The following C1orf87 variants were observed in gnomAD, a reference collection of about 807,000 sequenced individuals.
C1orf87 encodes the protein chromosome 1 open reading frame 87, also known as uncharacterized protein C1orf87.
A neutral mutation model predicts 60.5 loss-of-function variants in C1orf87; 58 were observed. The ratio of observed to expected loss-of-function variants is 0.96; its 90% CI spans 0.78 to 1.19. The LOEUF (loss-of-function observed/expected upper bound fraction) is 1.19, where lower values mean the gene tolerates loss of function less well. Ranked by LOEUF, C1orf87 falls within the 50% of genes most tolerant of loss-of-function variation. The pLI, the probability that C1orf87 is intolerant of heterozygous loss-of-function variation, is 0.00. For synonymous variants in C1orf87, 236 were observed against 227.4 expected, an observed-to-expected ratio of 1.04 and a Z score of -0.34; for missense variants, 673 against 638.6, an observed-to-expected ratio of 1.05 and a Z score of -0.58.
intron 2 of C1orf87, among the ~76,000 whole-genome samples, chr1:60,064,829 TAA>T (rs1289063146): frequency 4.3e-5 from 4 of 93,006 alleles, no homozygotes; most frequent in Middle Eastern, 0.01. Flanking sequence ...AAATATATAT[TAA>T]ATATATAATT....
At chr1:60,016,056 C>T (rs1298918799) in intron 8 of C1orf87, among the ~76,000 whole-genome samples, 1 of 152,104 alleles carries the variant, frequency 6.6e-6, no homozygotes, top group Non-Finnish European at 1.5e-5. Context: ...CAGCCTATCA[C>T]TTCTTTAAAA....
In C1orf87 at chr1:60,038,017, C is replaced by T. The variant is rs540153027; in HGVS notation, c.838G>A (p.Glu280Lys). 2.2e-5 allele frequency: 35 copies of T among 1,610,182 alleles called. No homozygotes were observed. In the East Asian group the frequency reaches 6.7e-4, roughly 31 times the overall value. Residue 280 changes from glutamate (E) to lysine (K), a missense_variant, in exon 6 of 12, where the codon GAG (glutamate) becomes AAG (lysine). Transcript: ENST00000371201. ...CTTTGGCTATGAGTGCCATGACTCT[C>T]AGTTTTTCTCAGGTCTGCAGCTGCT... ...NKAAADLRKT[E>K]SHGTHSQSTP... is the part of the protein sequence containing the mutation.
Position 60,001,274 on chromosome 1 carries a change from G to A in C1orf87, c.1193-118C>T, listed in dbSNP as rs1016465511. 60 of 739,570 alleles carry A rather than the reference G, an allele frequency of 8.1e-5. No individual in the cohort carries two copies. The African/African-American group carries it at 8.4e-4, about 10-fold the overall frequency. 45.8% of individuals were successfully genotyped at this position (739,570 alleles called of 1,614,324 possible). A position where few individuals can be genotyped will look rare whatever the true frequency, so the allele number is the denominator to read the frequency against. ...CAAAAAAATGGAGGCTTTGCTCTGT[G>A]GTTGGCACTGTGTTAGGTAATGGGA... On this transcript the variant is annotated intron_variant, in intron 9 of 11. Coordinates refer to ENST00000371201, the MANE Select transcript of C1orf87 (RefSeq NM_152377.3).
Position 60,010,475 on chromosome 1 carries a change from CAT to C in C1orf87, c.1128-21_1128-20del. On this transcript the variant is annotated intron_variant, in intron 8 of 11. Transcript: ENST00000371201. ...CTGCCATCTGTGCAAGAAAAGGAAA[CAT>C]AAATTGGTGATCAATATGATTGCCC... 6.2e-7 allele frequency: 1 copy of C among 1,606,704 alleles called. No homozygotes were observed. The highest frequency in any genetic ancestry group is 1.1e-5 in the South Asian group (1 of 90,834).
At chr1:59,990,930 T>C (rs1157623957) in intron 11 of C1orf87, 97 bp from the exon 12 acceptor site, 3 of 1,224,698 alleles carry the variant, frequency 2.4e-6, no homozygotes, top group Non-Finnish European at 3.4e-6. Flanking sequence ...AGGTAAAGAC[T>C]AAATGCTAAT....
In C1orf87 at chr1:59,990,823, C is replaced by T; in HGVS notation, c.1491G>A (p.Glu497=). 2 of 1,613,884 alleles carry T rather than the reference C, an allele frequency of 1.2e-6. No individual in the cohort carries two copies. The highest frequency in any genetic ancestry group is 1.7e-6 in the Non-Finnish European group (2 of 1,179,872). ...LCDLSNTGVL[E]KERARRLIHN... Reference sequence around the variant, plus strand: ...GAATGAGGCGTCTGGCTCGTTCCTTCTCCAGAACTCCTGTGATTGGATTGG... The same window carrying T: ...GAATGAGGCGTCTGGCTCGTTCCTTTTCCAGAACTCCTGTGATTGGATTGG... Residue 497 remains glutamate, a synonymous_variant, in exon 12 of 12, where the codon GAG becomes GAA. Transcript: ENST00000371201.
intron 8 of C1orf87, among the ~76,000 whole-genome samples, chr1:60,021,744 G>T (rs1409976527): frequency 6.6e-6 from 1 of 152,200 alleles, no homozygotes; most frequent in Non-Finnish European, 1.5e-5. Flanking sequence ...TAGCTATACA[G>T]ATGATAAATC....
chr1:60,048,435 C>G (rs1261809926), intron 3 of C1orf87, among the ~76,000 whole-genome samples: 1 of 152,144 alleles, frequency 6.6e-6, no homozygotes, highest in Non-Finnish European at 1.5e-5. Flanking sequence ...AGATTCCTTT[C>G]CCTGAGAAAC....
chr1:60,021,061 C>T (rs1169755361), intron 8 of C1orf87, among the ~76,000 whole-genome samples: 1 of 152,144 alleles, frequency 6.6e-6, no homozygotes, highest in African/African-American at 2.4e-5. Flanking sequence ...CTCTCTCTCT[C>T]CTGCTTTGCC....
chr1:60,008,694 C>T, intron 9 of C1orf87: 1 of 456,366 alleles, frequency 2.2e-6, no homozygotes, highest in South Asian at 1.6e-5. Flanking sequence ...GCATTCTCAG[C>T]CCTAGCCACG....
chr1:59,997,218 G>A (rs779756894), intron 11 of C1orf87, among the ~76,000 whole-genome samples: 11 of 152,146 alleles, frequency 7.2e-5, no homozygotes, highest in South Asian at 6.2e-4. Flanking sequence ...TGGGCAGGAC[G>A]TGCTGAGAGA....
chr1:60,040,106 C>T lies in C1orf87; in HGVS notation c.558G>A (p.Lys186=). 2 of 1,614,204 alleles carry T rather than the reference C, an allele frequency of 1.2e-6. No homozygotes were observed. Among genetic ancestry groups the T allele is most frequent in the Non-Finnish European group, 1.7e-6 (2 of 1,180,020 alleles). The part of the protein sequence containing the change: ...FLLALVRREL[K]SRPLSSNLLE... Reference sequence around the variant, plus strand: ...ATAAGTTGGAACTCAAAGGACGTGACTTGAGTTCTCTTCTGACCAGGGCAA... The same window carrying T: ...ATAAGTTGGAACTCAAAGGACGTGATTTGAGTTCTCTTCTGACCAGGGCAA... Residue 186 remains lysine (K), a synonymous_variant, in exon 5 of 12, where the codon AAG becomes AAA. Transcript: ENST00000371201.
intron 10 of C1orf87, among the ~76,000 whole-genome samples, chr1:60,000,472 C>T (rs370700952): frequency 5.3e-5 from 8 of 151,956 alleles, no homozygotes; most frequent in Non-Finnish European, 1.0e-4. Flanking sequence ...GGAGGCCTCC[C>T]GTCATTTTAA....
intron 8 of C1orf87, among the ~76,000 whole-genome samples, chr1:60,014,255 G>GGTC (rs1405856227): frequency 1.3e-5 from 2 of 152,066 alleles, no homozygotes; most frequent in Non-Finnish European, 2.9e-5. Context: ...TCAAGACTTG[G>GGTC]GTCCCCAAAT....
intron 2 of C1orf87, among the ~76,000 whole-genome samples, chr1:60,068,295 A>T (rs1183672774): frequency 1.3e-5 from 2 of 152,196 alleles, no homozygotes; most frequent in Non-Finnish European, 1.5e-5. Flanking sequence ...TTCTCCAAAG[A>T]TAGCCTTTGC....
chr1:60,018,607 T>C (rs1645139823), intron 8 of C1orf87, among the ~76,000 whole-genome samples: 1 of 152,324 alleles, frequency 6.6e-6, no homozygotes, highest in African/African-American at 2.4e-5. Context: ...TTTAGATTGG[T>C]GCCTTTTTGG....
chr1:59,994,547 T>C (rs1183251247), intron 11 of C1orf87, among the ~76,000 whole-genome samples: 8 of 152,246 alleles, frequency 5.3e-5, no homozygotes, highest in Non-Finnish European at 1.2e-4. Context: ...CCTTGAACTC[T>C]AAAACACTTT....
intron 10 of C1orf87, 145 bp downstream of exon 10, chr1:60,000,932 G>T (rs865793853): frequency 2.6e-5 from 17 of 648,026 alleles, no homozygotes; most frequent in Middle Eastern, 4.4e-4. Context: ...TTTGCCCAAG[G>T]AGAGTCTTGA....
At chr1:60,049,677 T>A (rs1237512592) in intron 3 of C1orf87, among the ~76,000 whole-genome samples, 1 of 152,126 alleles carries the variant, frequency 6.6e-6, no homozygotes, top group Non-Finnish European at 1.5e-5. Flanking sequence ...TTATCCCAGA[T>A]GATAGAAGAA....
Sources: allele counts gnomAD v4.1 joint callset (sites outside exome capture counted in the v4.1 genomes callset), GRCh38; gene constraint gnomAD v4.1.1; transcripts MANE v1.5; gene names NCBI Gene and HGNC (gene_info 2026-07-23, HGNC 2026-07-21).